CRTAC1: variants seen among roughly 807,000 people sequenced by gnomAD.
CRTAC1 encodes cartilage acidic protein 1.
A neutral mutation model predicts 67.8 loss-of-function variants in CRTAC1; 37 were observed. The observed-to-expected ratio is 0.55, with a 90% CI of 0.42 to 0.72. The LOEUF (loss-of-function observed/expected upper bound fraction) is 0.72. CRTAC1 is among the 30% of genes least tolerant of loss of function. The pLI is 0.00. For missense variants in CRTAC1, 780 were observed against 931.6 expected, an observed-to-expected ratio of 0.84 and a Z score of 2.12; for synonymous variants, 348 against 371.0, an observed-to-expected ratio of 0.94 and a Z score of 0.71.
In CRTAC1 at chr10:97,988,240, T is replaced by A. The variant is rs574029963; in HGVS notation, c.224+22898A>T. On this transcript the variant is annotated intron_variant, in intron 2 of 14. Transcript: ENST00000370597. Reference sequence around the variant, plus strand: ...TCTGTGTGTGCCCCAGTATGCCTCCTCTAGATCCTCTCTTTTTTGGGGTGG... The same window carrying A: ...TCTGTGTGTGCCCCAGTATGCCTCCACTAGATCCTCTCTTTTTTGGGGTGG... Among the ~76,000 whole-genome samples, 4 of 148,232 alleles carry A rather than the reference T, an allele frequency of 2.7e-5. No individual in the cohort carries two copies. The East Asian group carries it at 8.3e-4, about 31-fold the overall frequency.
chr10:97,900,930 C>T (rs1306539414), intron 8 of CRTAC1, among the ~76,000 whole-genome samples: 16 of 137,580 alleles, frequency 1.2e-4, no homozygotes, highest in African/African-American at 4.1e-4. Context: ...GACCCTGTAG[C>T]CCCTTTTCCT....
chr10:97,928,775 A>G (rs1032951664), intron 3 of CRTAC1, among the ~76,000 whole-genome samples: 1 of 152,118 alleles, frequency 6.6e-6, no homozygotes, highest in African/African-American at 2.4e-5. Flanking sequence ...GGCGAGAAAA[A>G]GGCACAGAGG....
intron 14 of CRTAC1, chr10:97,866,188 G>A (rs145921870): frequency 6.4e-6 from 1 of 157,064 alleles, no homozygotes; most frequent in African/African-American, 2.4e-5. Context: ...CCCCTGCAGG[G>A]CCCCGGCCTG....
chr10:97,936,125 G>A, intron 3 of CRTAC1, 45 bp downstream of exon 3: 1 of 1,532,830 alleles, frequency 6.5e-7, no homozygotes, highest in Non-Finnish European at 8.9e-7. Flanking sequence ...GCTACTGGGA[G>A]GGAGAAGATG....
intron 2 of CRTAC1, among the ~76,000 whole-genome samples, chr10:97,997,822 A>G (rs142547382): frequency 6.6e-6 from 1 of 152,364 alleles, no homozygotes; most frequent in East Asian, 1.9e-4. Flanking sequence ...ACTGGAAGAT[A>G]TAACTGGAAA....
At chr10:98,016,104 T>G (rs1842991370) in intron 1 of CRTAC1, among the ~76,000 whole-genome samples, 1 of 152,146 alleles carries the variant, frequency 6.6e-6, no homozygotes, top group African/African-American at 2.4e-5. Context: ...CAAAGAGGGA[T>G]TCTGACTCTA....
chr10:97,941,386 A>G (rs573047266), intron 2 of CRTAC1, among the ~76,000 whole-genome samples: 26 of 151,334 alleles, frequency 1.7e-4, no homozygotes, highest in African/African-American at 5.8e-4. Context: ...CTCCCCTTTC[A>G]CTATGGGATA....
rs2050441959 is a variant in CRTAC1, at chr10:97,895,344, C to A, written c.1387G>T (p.Val463Phe). The change falls in exon 11 of 15, where the codon GTC becomes TTC. Residue 463 changes from valine to phenylalanine, a missense_variant. By Grantham distance (50) the Val-to-Phe change is conservative (BLOSUM62 -1). Transcript: ENST00000370597. This position sits in a 1 kb window ranked among gnomAD's most constrained non-coding sequence, Gnocchi z 4.2. Reference sequence around the variant, plus strand: ...CCACTCTTCTTGGTGTAGAGCACGACCTTAGCTCCCCTGGCAAAGGCCCCA... The same window carrying A: ...CCACTCTTCTTGGTGTAGAGCACGAACTTAGCTCCCCTGGCAAAGGCCCCA... Reference protein sequence around the residue: ...RFGAFARGAKVVLYTKKSGAH... With the variant: ...RFGAFARGAKFVLYTKKSGAH... 6.2e-7 allele frequency: 1 copy of A among 1,612,826 alleles called. No homozygotes were observed. Among genetic ancestry groups the A allele is most frequent in the Admixed American group, 1.7e-5 (1 of 59,876 alleles).
Position 97,908,021 on chromosome 10 carries a change from G to A in CRTAC1, c.842C>T (p.Ala281Val). 1 of 1,614,156 alleles carries A rather than the reference G, an allele frequency of 6.2e-7. No individual in the cohort carries two copies. ...TGGCTGCCTCCACTCACCAGCACTGGCCGCAGCGTCCACAAAGGTGCCATC... is the reference window on the plus strand; with the variant it reads ...TGGCTGCCTCCACTCACCAGCACTGACCGCAGCGTCCACAAAGGTGCCATC... Reference protein sequence around the residue: ...RGDGTFVDAAASAGVDDPHQH... With the variant: ...RGDGTFVDAAVSAGVDDPHQH... Residue 281 changes from alanine to valine, a missense_variant, in exon 6 of 15, where the codon GCC becomes GTC. Transcript: ENST00000370597.
At position 97,917,024 on chromosome 10, in the gene CRTAC1, G is replaced by T. The variant is rs189726913; in HGVS notation, c.715+476C>A. 3.0e-3 allele frequency among the ~76,000 whole-genome samples: 460 copies of T among 152,300 alleles called. 1 individual carries two copies. Among genetic ancestry groups the T allele is most frequent in the Non-Finnish European group, 5.6e-3 (379 of 68,024 alleles). ...CTTTGAGCTCAGTTATCCGAGACGG[G>T]ACCCAGCTGAAGCCTAGGGATTTAG... On this transcript the variant is annotated intron_variant, in intron 5 of 14. Transcript: ENST00000370597.
In CRTAC1 at chr10:97,895,525, A is replaced by G. The variant is rs2050445488; in HGVS notation, c.1318-112T>C. 1.0e-6 allele frequency: 1 copy of G among 963,788 alleles called. No individual in the cohort carries two copies. The highest frequency in any genetic ancestry group is 2.5e-5 in the Admixed American group (1 of 39,498). The allele number at this position is 963,788 out of a possible 1,614,324, so 59.7% of individuals were successfully genotyped here. On this transcript the variant is annotated intron_variant, in intron 10 of 14. Coordinates refer to ENST00000370597, the MANE Select transcript of CRTAC1 (RefSeq NM_018058.7). This position sits in a 1 kb window ranked among gnomAD's most constrained non-coding sequence, Gnocchi z 4.2. Reference sequence around the variant, plus strand: ...GAGGGAGAAGAAGGAGGAAGAGAAGAAAGCAGGCAGAGGAAAAAGATAGAA... The same window carrying G: ...GAGGGAGAAGAAGGAGGAAGAGAAGGAAGCAGGCAGAGGAAAAAGATAGAA...
intron 2 of CRTAC1, among the ~76,000 whole-genome samples, chr10:97,972,842 C>CA (rs993929023): frequency 2.6e-5 from 4 of 151,826 alleles, no homozygotes; most frequent in African/African-American, 9.7e-5. Flanking sequence ...AACTCAAGTT[C>CA]AAAAAACAAC....
chr10:97,920,375 A>G (rs1361058650), intron 4 of CRTAC1, among the ~76,000 whole-genome samples: 9 of 152,244 alleles, frequency 5.9e-5, no homozygotes, highest in Admixed American at 5.2e-4. Flanking sequence ...GAACTTGACC[A>G]TGGTAATTCT....
intron 14 of CRTAC1, among the ~76,000 whole-genome samples, chr10:97,877,411 A>G (rs2050160677): frequency 6.8e-6 from 1 of 146,780 alleles, no homozygotes; most frequent in South Asian, 2.1e-4. Context: ...ACTTTCACTT[A>G]CCATTGTATG....
chr10:97,910,179 T>G (rs2050670253), intron 5 of CRTAC1, among the ~76,000 whole-genome samples: 2 of 152,236 alleles, frequency 1.3e-5, no homozygotes, highest in Admixed American at 1.3e-4. Context: ...ATACTTGAAC[T>G]TGCTAAGAGA....
chr10:97,903,575 G>C (rs981200900), intron 7 of CRTAC1, among the ~76,000 whole-genome samples: 1 of 151,998 alleles, frequency 6.6e-6, no homozygotes, highest in East Asian at 1.9e-4. Flanking sequence ...CCTCTTCTTG[G>C]TTACACAGAC....
intron 2 of CRTAC1, among the ~76,000 whole-genome samples, chr10:97,963,344 G>A (rs1395762004): frequency 6.6e-6 from 1 of 151,984 alleles, no homozygotes; most frequent in African/African-American, 2.4e-5. Flanking sequence ...ACATTTCTTG[G>A]GCCCCACCCC....
At chr10:97,948,108 CAA>C (rs34814982) in intron 2 of CRTAC1, among the ~76,000 whole-genome samples, 1,319 of 129,690 alleles carry the variant, frequency 0.01, 6 homozygotes, top group African/African-American at 0.026. Context: ...TGAATTATTG[CAA>C]AAAAAAAAAA....
At position 98,029,991 on chromosome 10, in the gene CRTAC1, C is replaced by T. The variant is rs1314200392; in HGVS notation, c.24+458G>A. Among the ~76,000 whole-genome samples the T allele has an allele frequency of 1.3e-5, 2 of 151,318 alleles. No individual in the cohort carries two copies. Among genetic ancestry groups the T allele is most frequent in the African/African-American group, 2.4e-5 (1 of 41,172 alleles). On this transcript the variant is annotated intron_variant, in intron 1 of 14. Transcript: ENST00000370597. This position sits in a 1 kb window ranked among gnomAD's most constrained non-coding sequence, Gnocchi z 4.7. ...CCAGCCCGCGGGGCTCTTCCCCAGC[C>T]TGGAAGCGTAGGCACTCGGCCGAGG...
Sources: allele counts gnomAD v4.1 joint callset (sites outside exome capture counted in the v4.1 genomes callset), GRCh38; gene constraint gnomAD v4.1.1; non-coding constraint Gnocchi (gnomAD v3.1); transcripts MANE v1.5; gene names NCBI Gene and HGNC (gene_info 2026-07-23, HGNC 2026-07-21).